PROK2: variants seen among roughly 807,000 people sequenced by gnomAD.
PROK2 encodes prokineticin 2.
In PROK2, 8 loss-of-function variants were observed where a neutral mutation model predicts 14.2. The observed-to-expected ratio is 0.56, with a 90% confidence interval of 0.33 to 1.02. PROK2 has a LOEUF of 1.02. Among genes scored for constraint, PROK2 ranks in the 50% least tolerant of loss-of-function variants. The pLI, the probability that PROK2 is intolerant of heterozygous loss-of-function variation, is 0.03. For synonymous variants in PROK2, 59 were observed against 60.7 expected (o/e 0.97, Z 0.13); for missense variants, 154 against 160.4 (o/e 0.96, Z 0.22).
intron 2 of PROK2, among the ~76,000 whole-genome samples, chr3:71,776,367 T>C: frequency 6.6e-5 from 3 of 45,212 alleles, no homozygotes; most frequent in Admixed American, 2.7e-4. Context: ...GCTTTTCATT[T>C]TTTTTTTTTT....
chr3:71,772,404 C>CAA lies in PROK2; in HGVS notation c.*318_*319dup. ...AAAAAAAGTTTTTCTAACAAAATAT[C>CAA]AAATTCTTATTTTCCTCATTTTTGT... On this transcript the variant is annotated 3_prime_UTR_variant, in exon 4 of 4. Transcript: ENST00000295619. 3.6e-6 allele frequency: 1 copy of CAA among 278,976 alleles called. No individual in the cohort carries two copies. Among genetic ancestry groups the CAA allele is most frequent in the Non-Finnish European group, 6.7e-6 (1 of 148,596 alleles). 17.3% of individuals were successfully genotyped at this position (278,976 alleles called of 1,614,324 possible). A position where few individuals can be genotyped will look rare whatever the true frequency, so the allele number is the denominator to read the frequency against.
At chr3:71,780,059 AGGGAAGTTT>A (rs769143810) in intron 2 of PROK2, among the ~76,000 whole-genome samples, 32 of 152,378 alleles carry the variant, frequency 2.1e-4, no homozygotes, top group Non-Finnish European at 4.1e-4. Context: ...CCCCTCTTCT[AGGGAAGTTT>A]GGCATTGAGA....
chr3:71,772,672 G>T lies in PROK2; in HGVS notation c.*52C>A. On this transcript the variant is annotated 3_prime_UTR_variant, in exon 4 of 4. Coordinates refer to ENST00000295619, the MANE Select transcript of PROK2 (RefSeq NM_001126128.2). The stretch of plus-strand genomic sequence containing the variant: ...TTTTGTTTGGCACAATCACAAGTAA[G>T]ACTTTACAGGTAAGATGTGGCTATT... 1 of 1,495,180 alleles carries T rather than the reference G, an allele frequency of 6.7e-7. No homozygotes were observed. The highest frequency in any genetic ancestry group is 1.1e-5 in the South Asian group (1 of 88,466). 92.6% of individuals were successfully genotyped at this position (1,495,180 alleles called of 1,614,324 possible). A position where few individuals can be genotyped will look rare whatever the true frequency, so the allele number is the denominator to read the frequency against.
intron 2 of PROK2, among the ~76,000 whole-genome samples, chr3:71,775,248 G>C (rs1337563914): frequency 6.6e-6 from 1 of 152,206 alleles, no homozygotes; most frequent in Non-Finnish European, 1.5e-5. Context: ...TACAAACAGA[G>C]ATCACCAAAT....
chr3:71,777,718 T>A (rs1482981856), intron 2 of PROK2, among the ~76,000 whole-genome samples: 1 of 152,132 alleles, frequency 6.6e-6, no homozygotes, highest in Non-Finnish European at 1.5e-5. Context: ...ATTAATCACA[T>A]AATTATTGAA....
chr3:71,776,323 TTTCTTTTCTCTC>T (rs760635801), intron 2 of PROK2, among the ~76,000 whole-genome samples: 5 of 151,756 alleles, frequency 3.3e-5, no homozygotes, highest in Non-Finnish European at 7.4e-5. Context: ...TCCTTTTCTC[TTTCTTTTCTCTC>T]TTCTTTTCTT....
intron 3 of PROK2, among the ~76,000 whole-genome samples, chr3:71,774,048 T>C (rs1234110889): frequency 6.6e-6 from 1 of 152,166 alleles, no homozygotes; most frequent in Non-Finnish European, 1.5e-5. Context: ...CTAAAGTGAG[T>C]GAGACGAGTG....
At chr3:71,784,701 G>T (rs1264408796) in intron 1 of PROK2, among the ~76,000 whole-genome samples, 1 of 152,208 alleles carries the variant, frequency 6.6e-6, no homozygotes, top group African/African-American at 2.4e-5. Context: ...AAGTAAGCGG[G>T]AGAAGGTGGT....
At chr3:71,776,363 CATTTTTTTTTTTTTT>C (rs1305105453) in intron 2 of PROK2, among the ~76,000 whole-genome samples, 10 of 92,070 alleles carry the variant, frequency 1.1e-4, no homozygotes, top group Non-Finnish European at 1.8e-4. Flanking sequence ...TTTCGCTTTT[CATTTTTTTTTTTTTT>C]TTTTTTTTTT....
At chr3:71,773,902 T>C (rs190313904) in intron 3 of PROK2, among the ~76,000 whole-genome samples, 56 of 152,302 alleles carry the variant, frequency 3.7e-4, no homozygotes, top group African/African-American at 1.2e-3. Flanking sequence ...AGAATAAAGA[T>C]AGCAAATGTT....
Position 71,772,340 on chromosome 3 carries a change from G to C in PROK2, c.*384C>G. ...CCAAAAGCTGTAGGTGTATTTGTGT[G>C]GCAGGGCACAAATGGGGCTTGGGGT... On this transcript the variant is annotated 3_prime_UTR_variant, in exon 4 of 4. Coordinates refer to ENST00000295619, the MANE Select transcript of PROK2 (RefSeq NM_001126128.2). 5.0e-6 allele frequency: 1 copy of C among 200,010 alleles called. No individual in the cohort carries two copies. The allele number at this position is 200,010 out of a possible 1,614,324, so 12.4% of individuals were successfully genotyped here. A position where few individuals can be genotyped will look rare whatever the true frequency, so the allele number is the denominator to read the frequency against.
chr3:71,772,014 C>T lies in PROK2; in HGVS notation c.*710G>A, dbSNP rs979226255. On this transcript the variant is annotated 3_prime_UTR_variant, in exon 4 of 4. Transcript: ENST00000295619. Reference sequence around the variant, plus strand: ...GACTAAATTAATTTGGCTTTCCATTCCTTCTGTCCACACACCAGCCCAACA... The same window carrying T: ...GACTAAATTAATTTGGCTTTCCATTTCTTCTGTCCACACACCAGCCCAACA... 3 of 152,184 alleles carry T rather than the reference C, an allele frequency of 2.0e-5. No individual in the cohort carries two copies. Among genetic ancestry groups the T allele is most frequent in the Admixed American group, 2.0e-4 (3 of 15,288 alleles). 9.4% of individuals were successfully genotyped at this position (152,184 alleles called of 1,614,324 possible).
At chr3:71,784,127 G>C (rs2050191670) in intron 1 of PROK2, among the ~76,000 whole-genome samples, 1 of 152,190 alleles carries the variant, frequency 6.6e-6, no homozygotes. Flanking sequence ...AATGATAGCA[G>C]TTTTGCCTTG....
chr3:71,781,608 C>G lies in PROK2; in HGVS notation c.97-16G>C. 1 of 1,606,844 alleles carries G rather than the reference C, an allele frequency of 6.2e-7. No homozygotes were observed. On this transcript the variant is annotated splice_polypyrimidine_tract_variant and intron_variant, in intron 1 of 3. Transcript: ENST00000295619. ...TGTCACAAGCCTGAAATGTAATAAA[C>G]AAACAGATAAATATAGATAACAGGA...
chr3:71,777,541 A>T (rs779713765), intron 2 of PROK2, among the ~76,000 whole-genome samples: 1 of 152,086 alleles, frequency 6.6e-6, no homozygotes, highest in Admixed American at 6.5e-5. Flanking sequence ...TTTTATTTGA[A>T]TTTTTTTCCT....
At chr3:71,781,825 T>G (rs1044087971) in intron 1 of PROK2, among the ~76,000 whole-genome samples, 29 of 152,222 alleles carry the variant, frequency 1.9e-4, no homozygotes, top group African/African-American at 5.8e-4. Flanking sequence ...CCCTGGATTA[T>G]GAAAATCTTA....
At chr3:71,776,987 A>G (rs1164037073) in intron 2 of PROK2, among the ~76,000 whole-genome samples, 1 of 152,202 alleles carries the variant, frequency 6.6e-6, no homozygotes, top group East Asian at 1.9e-4. Context: ...ACTCTTTTGC[A>G]GCACTTTTAA....
chr3:71,776,363 CATTT>C lies in PROK2; in HGVS notation c.223-1860_223-1857del, dbSNP rs1478303926. Among the ~76,000 whole-genome samples, 330 of 91,922 alleles carry C rather than the reference CATTT, an allele frequency of 3.6e-3. 1 individual carries two copies. The highest frequency in any genetic ancestry group is 6.1e-3 in the Middle Eastern group (1 of 164). The allele number at this position is 91,922 out of a possible 152,430, so 60.3% of individuals were successfully genotyped here. ...CTTTTCTTTTTTTCTTTTCGCTTTT[CATTT>C]TTTTTTTTTTTTTTTTTTTTTTTGA... On this transcript the variant is annotated intron_variant, in intron 2 of 3. Transcript: ENST00000295619.
intron 2 of PROK2, among the ~76,000 whole-genome samples, chr3:71,779,013 C>T (rs554944028): frequency 1.1e-4 from 17 of 152,174 alleles, no homozygotes; most frequent in Admixed American, 4.6e-4. Flanking sequence ...AAGAAGACTG[C>T]ATTTGTTTAC....
Sources: allele counts gnomAD v4.1 joint callset (sites outside exome capture counted in the v4.1 genomes callset), GRCh38; gene constraint gnomAD v4.1.1; transcripts MANE v1.5; gene names NCBI Gene and HGNC (gene_info 2026-07-23, HGNC 2026-07-21).